NETO1: variants seen among roughly 807,000 people sequenced by gnomAD.
NETO1 encodes the protein neuropilin and tolloid like 1, also known as neuropilin and tolloid-like protein 1.
In NETO1, 26 loss-of-function variants were observed where a neutral mutation model predicts 61.3. That is an observed-to-expected ratio of 0.42 (90% CI 0.31 to 0.59). NETO1 has a LOEUF of 0.59. NETO1 is among the 20% of genes least tolerant of loss of function. The probability of loss-of-function intolerance (pLI) is 0.12; values close to 1 mark genes in which losing one functional copy is unlikely to be tolerated. For synonymous variants in NETO1, 225 were observed against 225.8 expected (o/e 1.00, Z 0.03); for missense variants, 531 against 662.8 (o/e 0.80, Z 2.18).
At chr18:72,750,872 TACACACACACACACACACAC>T (rs142668353) in intron 8 of NETO1, among the ~76,000 whole-genome samples, 2 of 118,738 alleles carry the variant, frequency 1.7e-5, no homozygotes, top group African/African-American at 6.7e-5. Context: ...CAGCTTAAAA[TACACACACACACACACACAC>T]ACACACACAC....
intron 7 of NETO1, among the ~76,000 whole-genome samples, chr18:72,767,341 A>G (rs537325230): frequency 2.7e-4 from 41 of 152,336 alleles, no homozygotes; most frequent in African/African-American, 9.1e-4. Flanking sequence ...ATTATTCCCA[A>G]TGATTCTACT....
At chr18:72,742,927 T>C (rs1249499430), downstream of NETO1, among the ~76,000 whole-genome samples, 2 of 152,174 alleles carry the variant, frequency 1.3e-5, no homozygotes, top group East Asian at 1.9e-4. Context: ...TAAAGTATAG[T>C]AGAAGTAAAA....
chr18:72,768,794 G>A (rs1218219684), intron 7 of NETO1, among the ~76,000 whole-genome samples: 5 of 152,168 alleles, frequency 3.3e-5, no homozygotes, highest in African/African-American at 1.2e-4. Flanking sequence ...ACTCTACACT[G>A]GAGCCTCTTA....
chr18:72,806,100 G>A (rs1206147035), intron 4 of NETO1, among the ~76,000 whole-genome samples: 4 of 152,058 alleles, frequency 2.6e-5, no homozygotes, highest in Admixed American at 6.6e-5. Context: ...CATTACCTAC[G>A]ACGTCCTTTT....
At chr18:72,788,641 G>C in intron 6 of NETO1, among the ~76,000 whole-genome samples, 1 of 152,032 alleles carries the variant, frequency 6.6e-6, no homozygotes, top group East Asian at 1.9e-4. Flanking sequence ...GAATCATTTT[G>C]ATGCATTCTT....
chr18:72,780,629 T>C (rs1263417454), intron 7 of NETO1, among the ~76,000 whole-genome samples: 1 of 152,200 alleles, frequency 6.6e-6, no homozygotes, highest in Non-Finnish European at 1.5e-5. Context: ...CCATATTTTA[T>C]ATCCTTCATA....
chr18:72,867,220 G>GGCTGGCTCCGGGAGC, intron 1 of NETO1, 44 bp downstream of exon 1: 1 of 1,474,462 alleles, frequency 6.8e-7, no homozygotes. Context: ...GGGGCGGGAG[G>GGCTGGCTCCGGGAGC]GCTGGCTCCG....
rs574451104 is a variant in NETO1 at position 72,798,552 on chromosome 18, G to A, written c.470-4148C>T. ...AGTTGTACAGCTGCATGTGGTGGCA[G>A]GCTTTAAGTCAAAATCCGCCACTTA... On this transcript the variant is annotated intron_variant, in intron 4 of 10. Coordinates refer to ENST00000327305, the MANE Select transcript of NETO1 (RefSeq NM_138966.5). Among the ~76,000 whole-genome samples, 4 of 152,278 alleles carry A rather than the reference G, an allele frequency of 2.6e-5. No individual in the cohort carries two copies. In the South Asian group the frequency reaches 8.3e-4, roughly 32 times the overall value.
chr18:72,829,535 T>C (rs2073504004), intron 4 of NETO1, among the ~76,000 whole-genome samples: 1 of 152,164 alleles, frequency 6.6e-6, no homozygotes. Context: ...TTCTGAACAC[T>C]ATGAAATTTA....
At chr18:72,784,108 T>G (rs913297407) in intron 6 of NETO1, among the ~76,000 whole-genome samples, 1 of 152,196 alleles carries the variant, frequency 6.6e-6, no homozygotes, top group African/African-American at 2.4e-5. Context: ...ATCCTTTCTT[T>G]ACTTAAATGC....
chr18:72,823,339 T>C (rs11876415), intron 4 of NETO1, among the ~76,000 whole-genome samples: 57,290 of 151,510 alleles, frequency 0.38, 11,287 homozygotes, highest in Middle Eastern at 0.47. Context: ...GGTAGGTAGG[T>C]AGTAGGTAGG....
rs190925098 is a variant in NETO1 at position 72,830,192 on chromosome 18, C to T, written c.469+28634G>A. On this transcript the variant is annotated intron_variant, in intron 4 of 10. Transcript: ENST00000327305. This position sits in a 1 kb window ranked among gnomAD's most constrained non-coding sequence, Gnocchi z 4.9. ...TAAGCCGTCCACAGCATAGAGGAAGCGGCGGCACAGGGAAGGAAGCAGCCC... is the reference window on the plus strand; with the variant it reads ...TAAGCCGTCCACAGCATAGAGGAAGTGGCGGCACAGGGAAGGAAGCAGCCC... Among the ~76,000 whole-genome samples, 31 of 152,080 alleles carry T rather than the reference C, an allele frequency of 2.0e-4. No homozygotes were observed. Among genetic ancestry groups the T allele is most frequent in the East Asian group, 1.5e-3 (8 of 5,168 alleles).
chr18:72,861,871 A>T (rs1043892838), intron 3 of NETO1, among the ~76,000 whole-genome samples: 2 of 152,200 alleles, frequency 1.3e-5, no homozygotes, highest in African/African-American at 4.8e-5. Context: ...GGGAGTGCTC[A>T]TCGTTGTTAC....
Position 72,794,504 on chromosome 18 carries a change from A to C in NETO1, c.470-100T>G, listed in dbSNP as rs1245535750. ...TAAGTTTTCCAGAAATCTACCTTAA[A>C]AAACACATTAGGGAAAAGTAAAAAA... On this transcript the variant is annotated intron_variant, in intron 4 of 10. Coordinates refer to ENST00000327305, the MANE Select transcript of NETO1 (RefSeq NM_138966.5). 3 of 1,149,346 alleles carry C rather than the reference A, an allele frequency of 2.6e-6. No homozygotes were observed. In the African/African-American group the frequency reaches 4.7e-5, roughly 18 times the overall value. 71.2% of individuals were successfully genotyped at this position (1,149,346 alleles called of 1,614,324 possible). A position where few individuals can be genotyped will look rare whatever the true frequency, so the allele number is the denominator to read the frequency against.
intron 4 of NETO1, among the ~76,000 whole-genome samples, chr18:72,814,548 G>A (rs2072969706): frequency 6.6e-6 from 1 of 152,008 alleles, no homozygotes; most frequent in South Asian, 2.1e-4. Context: ...CCAGATATAT[G>A]AACTAAACAC....
intron 4 of NETO1, among the ~76,000 whole-genome samples, chr18:72,807,869 G>A (rs1209730256): frequency 6.6e-6 from 1 of 152,064 alleles, no homozygotes; most frequent in African/African-American, 2.4e-5. Flanking sequence ...CTGTCCAAGG[G>A]CAACCAGGGA....
At chr18:72,770,329 G>A (rs555498872) in intron 7 of NETO1, among the ~76,000 whole-genome samples, 3 of 151,692 alleles carry the variant, frequency 2.0e-5, no homozygotes, top group African/African-American at 7.3e-5. Context: ...TATTCTCCAG[G>A]TCAACTTTTC....
Position 72,816,981 on chromosome 18 carries a change from G to C in NETO1, c.470-22577C>G, listed in dbSNP as rs1191530706. On this transcript the variant is annotated intron_variant, in intron 4 of 10. Coordinates refer to ENST00000327305, the MANE Select transcript of NETO1 (RefSeq NM_138966.5). Reference sequence around the variant, plus strand: ...GGGTGAGTGCATGCAGCCTGTGGGAGGCATATGGGTTATTACAGCCAGGGG... The same window carrying C: ...GGGTGAGTGCATGCAGCCTGTGGGACGCATATGGGTTATTACAGCCAGGGG... Among the ~76,000 whole-genome samples, 4 of 152,152 alleles carry C rather than the reference G, an allele frequency of 2.6e-5. No homozygotes were observed. The East Asian group carries it at 7.7e-4, about 29-fold the overall frequency.
At chr18:72,783,237 T>C (rs945725977) in intron 7 of NETO1, among the ~76,000 whole-genome samples, 1 of 152,216 alleles carries the variant, frequency 6.6e-6, no homozygotes, top group Non-Finnish European at 1.5e-5. Context: ...TTACCTACTT[T>C]AATTGGAACT....
Sources: allele counts gnomAD v4.1 joint callset (sites outside exome capture counted in the v4.1 genomes callset), GRCh38; gene constraint gnomAD v4.1.1; non-coding constraint Gnocchi (gnomAD v3.1); transcripts MANE v1.5; gene names NCBI Gene and HGNC (gene_info 2026-07-23, HGNC 2026-07-21).